Variants in HUWE1 observed in about 807,000 individuals in gnomAD.
HUWE1 encodes HECT, UBA and WWE domain containing E3 ubiquitin protein ligase 1, also known as E3 ubiquitin-protein ligase HUWE1.
HUWE1 carries 18 observed loss-of-function variants against 299.4 expected under a neutral mutation model. That is an observed-to-expected ratio of 0.06 (90% CI 0.04 to 0.09). The LOEUF (loss-of-function observed/expected upper bound fraction) is 0.09. Ranked by LOEUF, HUWE1 falls within the 10% of genes least tolerant of loss-of-function variation. The pLI is 1.00. For synonymous variants in HUWE1, 1,317 were observed against 1,286.1 expected (o/e 1.02, Z -0.51); for missense variants, 1,832 against 3,462.3 (o/e 0.53, Z 11.82).
chrX:53,546,783 C>T lies in HUWE1; in HGVS notation c.10679G>A (p.Ser3560Asn). 1 of 1,209,973 alleles carries T rather than the reference C, an allele frequency of 8.3e-7. No individual in the cohort carries two copies. The highest frequency in any genetic ancestry group is 1.1e-6 in the Non-Finnish European group (1 of 894,530). The change falls in exon 69 of 84, where the codon AGT (serine) becomes AAT (asparagine). Residue 3560 changes from serine (S) to asparagine (N), a missense_variant. Around this residue, in one of 15 missense-constraint regions of HUWE1, gnomAD observed 119 missense variants for 124.6 expected, o/e 0.96. Transcript: ENST00000262854. ...TKGSKSPAKV[S>N]DGGSSSTDFK... ...GTCTGTACTGCTGCTGCCCCCATCA[C>T]TCACCTTCGCTGGAGATTTGCTGCC...
intron 3 of HUWE1, among the ~76,000 whole-genome samples, chrX:53,660,968 A>G (rs1162255770): frequency 3.6e-5 from 4 of 111,334 alleles, no homozygotes; most frequent in Non-Finnish European, 7.5e-5. Context: ...TGGTCAGTAA[A>G]TGTTAGCACC....
In HUWE1 at chrX:53,554,680, C is replaced by T. The variant is rs2061919956; in HGVS notation, c.8447G>A (p.Gly2816Glu). The change falls in exon 61 of 84, where the codon GGG (glycine) becomes GAG (glutamate). Residue 2816 changes from glycine (G) to glutamate (E), a missense_variant. Around this residue, in one of 15 missense-constraint regions of HUWE1, gnomAD observed 143 missense variants for 148.1 expected, o/e 0.97. Coordinates refer to ENST00000262854, the MANE Select transcript of HUWE1 (RefSeq NM_031407.7). ...CTCCATCTGAGTTGTTTCTGCTTCC[C>T]CACTTGGCCTTGTGGGACCCAATTC... The part of the protein sequence containing the change: ...PEELGPTRPS[G>E]EAETTQMELS... 1.7e-6 allele frequency: 2 copies of T among 1,211,253 alleles called. No individual in the cohort carries two copies. The highest frequency in any genetic ancestry group is 2.2e-6 in the Non-Finnish European group (2 of 895,355).
chrX:53,589,450 T>C (rs1556976513), intron 36 of HUWE1, 97 bp downstream of exon 36: 12 of 810,225 alleles, frequency 1.5e-5, no homozygotes, highest in African/African-American at 8.1e-5. Context: ...CCATATCAGG[T>C]AGAATGAAAA....
At chrX:53,669,452 C>T (rs2069409909) in intron 3 of HUWE1, among the ~76,000 whole-genome samples, 1 of 112,316 alleles carries the variant, frequency 8.9e-6, no homozygotes, top group African/African-American at 3.2e-5. Context: ...CAGCCACCAA[C>T]TGGCTTTAAG....
At position 53,588,551 on chromosome X, in the gene HUWE1, A is replaced by AG. The variant is rs1556975585; in HGVS notation, c.4462-18dup. 2.5e-6 allele frequency: 3 copies of AG among 1,193,007 alleles called. No homozygotes were observed. In the African/African-American group the frequency reaches 5.3e-5, roughly 21 times the overall value. ...TTCCCACACCTAGAAAAGCAAAAAA[A>AG]GGGTTAAGTCACGGAACCGCAGAGC... On this transcript the variant is annotated splice_polypyrimidine_tract_variant and intron_variant, in intron 36 of 83. Coordinates refer to ENST00000262854, the MANE Select transcript of HUWE1 (RefSeq NM_031407.7).
At chrX:53,607,028 G>A (rs185805026) in intron 25 of HUWE1, among the ~76,000 whole-genome samples, 18 of 111,375 alleles carry the variant, frequency 1.6e-4, no homozygotes, top group African/African-American at 5.9e-4. Context: ...TATGAGCAAT[G>A]AACTACCATG....
intron 3 of HUWE1, among the ~76,000 whole-genome samples, chrX:53,677,456 C>A (rs2069882866): frequency 9.1e-6 from 1 of 110,095 alleles, no homozygotes; most frequent in Non-Finnish European, 1.9e-5. Flanking sequence ...ACATGACACA[C>A]CTGGTAAGAA....
chrX:53,616,311 G>C (rs781811603), intron 21 of HUWE1, among the ~76,000 whole-genome samples: 2 of 110,577 alleles, frequency 1.8e-5, no homozygotes. Flanking sequence ...AAATCACTAG[G>C]GAAAAGGAAG....
chrX:53,679,125 G>A (rs1275279111), intron 3 of HUWE1, among the ~76,000 whole-genome samples: 1 of 110,650 alleles, frequency 9.0e-6, no homozygotes, highest in Non-Finnish European at 1.9e-5. Context: ...CAAATATGGG[G>A]GGCGGGAAAC....
intron 4 of HUWE1, 119 bp from the exon 5 acceptor site, chrX:53,648,429 C>T (rs996686171): frequency 2.1e-6 from 1 of 476,758 alleles, no homozygotes; most frequent in Non-Finnish European, 3.7e-6. Context: ...GGATTTACTA[C>T]TTAAGAAAAC....
chrX:53,620,092 T>C (rs1401580937), intron 19 of HUWE1, among the ~76,000 whole-genome samples: 1 of 111,416 alleles, frequency 9.0e-6, no homozygotes, highest in Non-Finnish European at 1.9e-5. Flanking sequence ...TCTTGGCTTA[T>C]CCTTCCTGCC....
At chrX:53,639,496 G>A (rs2067434182) in intron 7 of HUWE1, among the ~76,000 whole-genome samples, 1 of 111,718 alleles carries the variant, frequency 9.0e-6, no homozygotes, top group Admixed American at 9.5e-5. Flanking sequence ...AGTTATACAG[G>A]TGACTTTAAA....
At position 53,666,370 on chromosome X, in the gene HUWE1, A is replaced by C. The variant is rs185984206; in HGVS notation, c.-24-12239T>G. ...TAAAAATAGAGGGGAGGAGCGGGGT[A>C]TAAATAGAACAATAGCCCTGTGTTG... On this transcript the variant is annotated intron_variant, in intron 3 of 83. Transcript: ENST00000262854. Among the ~76,000 whole-genome samples, 110 of 111,981 alleles carry C rather than the reference A, an allele frequency of 9.8e-4. 3 individuals carry two copies. In the East Asian group the frequency reaches 0.024, roughly 24 times the overall value.
intron 52 of HUWE1, among the ~76,000 whole-genome samples, chrX:53,563,261 C>T (rs2062377016): frequency 8.9e-6 from 1 of 112,096 alleles, no homozygotes. Flanking sequence ...TTTCCTTGAT[C>T]AACAAAGTAA....
chrX:53,679,438 T>TA (rs2070012936), intron 3 of HUWE1, among the ~76,000 whole-genome samples: 1 of 112,161 alleles, frequency 8.9e-6, no homozygotes, highest in African/African-American at 3.2e-5. Context: ...ATTTTACAAA[T>TA]AAATATGACA....
At position 53,607,513 on chromosome X, in the gene HUWE1, T is replaced by C. The variant is rs1277673093; in HGVS notation, c.2496+10A>G. ...AAAGAAATGAAAACATTTGGCCAGA[T>C]GCTTCTTACCAATATGGATTTGCAG... is the stretch of plus-strand genomic sequence containing the variant. On this transcript the variant is annotated intron_variant, in intron 25 of 83. Transcript: ENST00000262854. The C allele has an allele frequency of 1.7e-6, 2 of 1,207,225 alleles. No individual in the cohort carries two copies. Among genetic ancestry groups the C allele is most frequent in the Non-Finnish European group, 2.2e-6 (2 of 891,414 alleles).
At position 53,645,732 on chromosome X, in the gene HUWE1, AAAAAATATATATATATATATATATATAT is replaced by A. The variant is rs1221339885; in HGVS notation, c.352-297_352-270del. On this transcript the variant is annotated intron_variant, in intron 6 of 83. Coordinates refer to ENST00000262854, the MANE Select transcript of HUWE1 (RefSeq NM_031407.7). The stretch of plus-strand genomic sequence containing the variant: ...TGTCTCAAAAAAAGAAAAAAAAAAA[AAAAAATATATATATATATATATATATAT>A]ATATATATATATATATGTATTTGAT... 1.6e-3 allele frequency among the ~76,000 whole-genome samples: 29 copies of A among 17,728 alleles called. 1 individual carries two copies. The highest frequency in any genetic ancestry group is 0.026 in the Middle Eastern group (1 of 39). 15.4% of individuals were successfully genotyped at this position (17,728 alleles called of 115,157 possible). A position where few individuals can be genotyped will look rare whatever the true frequency, so the allele number is the denominator to read the frequency against.
rs782747961 is a variant in HUWE1, at chrX:53,546,418, C to T, written c.10915+18G>A. On this transcript the variant is annotated intron_variant, in intron 70 of 83. Transcript: ENST00000262854. The stretch of plus-strand genomic sequence containing the variant: ...TGGAAACCTTCAGAAAGAGAAAATG[C>T]TTTACTTCTGCTATTACCTATTTGT... 17 of 1,200,639 alleles carry T rather than the reference C, an allele frequency of 1.4e-5. No homozygotes were observed. In the South Asian group the frequency reaches 2.3e-4, roughly 16 times the overall value.
At chrX:53,662,286 C>G (rs143233051) in intron 3 of HUWE1, among the ~76,000 whole-genome samples, 81 of 111,995 alleles carry the variant, frequency 7.2e-4, no homozygotes, top group Middle Eastern at 9.3e-3. Flanking sequence ...ATCACTTACT[C>G]ACTGCATAAC....
Sources: gnomAD v4.1 joint callset for allele counts (sites outside exome capture counted in the v4.1 genomes callset) on GRCh38, gnomAD v4.1.1 for gene constraint, gnomAD v4.1.1 regional missense constraint, MANE v1.5 for transcripts, NCBI Gene and HGNC (gene_info 2026-07-23, HGNC 2026-07-21) for gene names.